The following CNTNAP2 variants were observed in gnomAD, a reference collection of about 807,000 sequenced individuals.
The protein encoded by CNTNAP2 is contactin-associated protein-like 2.
CNTNAP2 carries 98 observed loss-of-function variants against 155.2 expected under a neutral mutation model. That is an observed-to-expected ratio of 0.63 (90% CI 0.54 to 0.75). The LOEUF (loss-of-function observed/expected upper bound fraction) is 0.75, where lower values mean the gene tolerates loss of function less well. Ranked by LOEUF, CNTNAP2 falls within the 30% of genes least tolerant of loss-of-function variation. The pLI is 0.00. For missense variants in CNTNAP2, 1,727 were observed against 1,688.1 expected (o/e 1.02, Z -0.40); for synonymous variants, 651 against 631.2 (o/e 1.03, Z -0.47).
chr7:148,007,586 G>A (rs967551103), intron 15 of CNTNAP2, among the ~76,000 whole-genome samples: 3 of 152,142 alleles, frequency 2.0e-5, no homozygotes, highest in Admixed American at 2.0e-4. Flanking sequence ...ATTCCCAAAC[G>A]TAGACTAAGT....
At chr7:146,848,609 A>G (rs902514983) in intron 3 of CNTNAP2, among the ~76,000 whole-genome samples, 13 of 152,132 alleles carry the variant, frequency 8.5e-5, no homozygotes, top group African/African-American at 2.9e-4. Context: ...GGAGCTACCT[A>G]CTATTGGCTA....
chr7:147,062,278 TTA>T, intron 4 of CNTNAP2, among the ~76,000 whole-genome samples: 1 of 151,862 alleles, frequency 6.6e-6, no homozygotes, highest in Non-Finnish European at 1.5e-5. Flanking sequence ...TTATTGTGAT[TTA>T]TATGTCACAA....
chr7:147,002,944 CAAAAAAAAA>C (rs773401142), intron 3 of CNTNAP2, among the ~76,000 whole-genome samples: 47 of 52,938 alleles, frequency 8.9e-4, no homozygotes, highest in Admixed American at 1.7e-3. Flanking sequence ...ATGTTCCTTC[CAAAAAAAAA>C]AAAAAAAAAA....
At chr7:147,667,550 C>T (rs570585075) in intron 13 of CNTNAP2, among the ~76,000 whole-genome samples, 79 of 152,156 alleles carry the variant, frequency 5.2e-4, no homozygotes, top group Admixed American at 8.5e-4. Context: ...CTTTCCAAGA[C>T]GCCCTTCTGA....
chr7:148,192,553 A>G (rs958876720), intron 18 of CNTNAP2, among the ~76,000 whole-genome samples: 1 of 151,956 alleles, frequency 6.6e-6, no homozygotes, highest in Non-Finnish European at 1.5e-5. Flanking sequence ...AAAAAACAAA[A>G]AAACTCTCCA....
intron 13 of CNTNAP2, among the ~76,000 whole-genome samples, chr7:147,850,767 T>G (rs1425081673): frequency 6.6e-6 from 1 of 152,060 alleles, no homozygotes; most frequent in Non-Finnish European, 1.5e-5. Context: ...ATACAAAAAT[T>G]AATTCAAGAT....
At chr7:146,890,345 G>T (rs1795751003) in intron 3 of CNTNAP2, among the ~76,000 whole-genome samples, 1 of 152,150 alleles carries the variant, frequency 6.6e-6, no homozygotes, top group Non-Finnish European at 1.5e-5. Flanking sequence ...GAGTTGTGAA[G>T]TGCTTTGCCC....
chr7:146,275,897 T>G (rs1424983023), intron 1 of CNTNAP2, among the ~76,000 whole-genome samples: 1 of 152,202 alleles, frequency 6.6e-6, no homozygotes, highest in East Asian at 1.9e-4. Flanking sequence ...TAGCAAAATT[T>G]GGCAATGCCT....
chr7:148,074,154 C>T (rs1803433969), intron 15 of CNTNAP2, among the ~76,000 whole-genome samples: 1 of 152,198 alleles, frequency 6.6e-6, no homozygotes. Context: ...GTTATTGGAA[C>T]TTAGATGGTG....
chr7:147,096,885 G>A (rs1228314002), intron 4 of CNTNAP2, among the ~76,000 whole-genome samples: 1 of 152,154 alleles, frequency 6.6e-6, no homozygotes, highest in Non-Finnish European at 1.5e-5. Context: ...ACTGTTTTTA[G>A]TGTTTTACCA....
chr7:147,717,982 T>C lies in CNTNAP2; in HGVS notation c.2098+78676T>C, dbSNP rs551353040. Among the ~76,000 whole-genome samples, 6 of 152,180 alleles carry C rather than the reference T, an allele frequency of 3.9e-5. No individual in the cohort carries two copies. In the East Asian group the frequency reaches 1.2e-3, roughly 29 times the overall value. Reference sequence around the variant, plus strand: ...CATATTACTATAATAGTACCAATTATATACTTTATTATATCTAATTGTACT... The same window carrying C: ...CATATTACTATAATAGTACCAATTACATACTTTATTATATCTAATTGTACT... On this transcript the variant is annotated intron_variant, in intron 13 of 23. Coordinates refer to ENST00000361727, the MANE Select transcript of CNTNAP2 (RefSeq NM_014141.6).
At chr7:146,904,348 C>T (rs957302926) in intron 3 of CNTNAP2, among the ~76,000 whole-genome samples, 5 of 152,162 alleles carry the variant, frequency 3.3e-5, no homozygotes, top group African/African-American at 9.7e-5. Context: ...TACCTGTACT[C>T]GGTCCCTGTA....
At chr7:147,080,726 A>G (rs972344974) in intron 4 of CNTNAP2, among the ~76,000 whole-genome samples, 1 of 148,734 alleles carries the variant, frequency 6.7e-6, no homozygotes, top group African/African-American at 2.4e-5. Flanking sequence ...TATATATAAA[A>G]CTTTGTGTCA....
intron 13 of CNTNAP2, among the ~76,000 whole-genome samples, chr7:147,825,285 G>A (rs370547466): frequency 1.2e-4 from 19 of 152,154 alleles, no homozygotes; most frequent in African/African-American, 4.1e-4. Context: ...TCTAGTGAGC[G>A]TTCTTAGTAG....
chr7:146,850,069 A>G (rs1223622469), intron 3 of CNTNAP2, among the ~76,000 whole-genome samples: 1 of 152,162 alleles, frequency 6.6e-6, no homozygotes, highest in East Asian at 1.9e-4. Context: ...GTCTTGGCAA[A>G]TAAATTTGGT....
At chr7:147,212,063 G>T (rs1803159589) in intron 8 of CNTNAP2, among the ~76,000 whole-genome samples, 1 of 152,006 alleles carries the variant, frequency 6.6e-6, no homozygotes, top group Admixed American at 6.6e-5. Context: ...TCTCACACAA[G>T]TCAGAATGGC....
At chr7:146,714,486 C>G (rs1464253939) in intron 1 of CNTNAP2, among the ~76,000 whole-genome samples, 1 of 152,186 alleles carries the variant, frequency 6.6e-6, no homozygotes, top group Non-Finnish European at 1.5e-5. Context: ...TATTTCATAT[C>G]TAAACCTCAG....
At chr7:147,473,213 G>A (rs552251893) in intron 10 of CNTNAP2, among the ~76,000 whole-genome samples, 57 of 152,318 alleles carry the variant, frequency 3.7e-4, no homozygotes, top group African/African-American at 1.3e-3. Context: ...CTTTCAAGGA[G>A]TTTGTCTATG....
chr7:146,211,423 G>A (rs1799033882), intron 1 of CNTNAP2, among the ~76,000 whole-genome samples: 1 of 152,080 alleles, frequency 6.6e-6, no homozygotes. Context: ...GCAAAAATAA[G>A]TAAGTGCTCA....
Sources: gnomAD v4.1 joint callset for allele counts (sites outside exome capture counted in the v4.1 genomes callset) on GRCh38, gnomAD v4.1.1 for gene constraint, MANE v1.5 for transcripts, NCBI Gene and HGNC (gene_info 2026-07-23, HGNC 2026-07-21) for gene names.